ESR1: variants seen among roughly 807,000 people sequenced by gnomAD.
The protein encoded by ESR1 is estrogen receptor.
In ESR1, 12 loss-of-function variants were observed where a neutral mutation model predicts 52.7. The observed-to-expected ratio is 0.23, with a 90% CI of 0.15 to 0.37. The LOEUF (loss-of-function observed/expected upper bound fraction) is 0.37, where lower values mean the gene tolerates loss of function less well. Among genes scored for constraint, ESR1 ranks in the 10% least tolerant of loss-of-function variants. The pLI, the probability that ESR1 is intolerant of heterozygous loss-of-function variation, is 1.00. For missense variants in ESR1, 584 were observed against 779.7 expected, an observed-to-expected ratio of 0.75 and a Z score of 2.99; for synonymous variants, 305 against 316.8, an observed-to-expected ratio of 0.96 and a Z score of 0.39.
chr6:152,000,177 A>AT (rs2041838971), intron 4 of ESR1, among the ~76,000 whole-genome samples: 1 of 152,006 alleles, frequency 6.6e-6, no homozygotes, highest in Admixed American at 6.6e-5. Context: ...TAGTGTTACC[A>AT]TTCTCATTTT....
chr6:152,047,956 ATTTTTTTTTTTT>A (rs71017517), intron 5 of ESR1, among the ~76,000 whole-genome samples: 5 of 67,776 alleles, frequency 7.4e-5, no homozygotes, highest in African/African-American at 1.2e-4. Context: ...CTCCTCAAGC[ATTTTTTTTTTTT>A]TTTTTTTTTT....
chr6:152,031,413 G>C (rs1039892215), intron 5 of ESR1, among the ~76,000 whole-genome samples: 2 of 152,092 alleles, frequency 1.3e-5, no homozygotes, highest in African/African-American at 2.4e-5. Context: ...AAGAAGAAAA[G>C]AGAGAAGAAT....
intron 3 of ESR1, among the ~76,000 whole-genome samples, chr6:151,936,839 A>G (rs2034423793): frequency 6.6e-6 from 1 of 152,210 alleles, no homozygotes; most frequent in Non-Finnish European, 1.5e-5. Flanking sequence ...GTATATGTAT[A>G]AGGTAGCACA....
At chr6:151,939,003 G>T (rs1053720433) in intron 3 of ESR1, among the ~76,000 whole-genome samples, 1 of 152,156 alleles carries the variant, frequency 6.6e-6, no homozygotes, top group Admixed American at 6.5e-5. Flanking sequence ...TTGCTTTGAT[G>T]CAAATATTGT....
intron 3 of ESR1, among the ~76,000 whole-genome samples, chr6:151,884,777 A>T (rs189558606): frequency 6.6e-6 from 1 of 152,270 alleles, no homozygotes; most frequent in Admixed American, 6.5e-5. Flanking sequence ...GTTTCTCTGC[A>T]TTGCTTTTTC....
intron 3 of ESR1, among the ~76,000 whole-genome samples, chr6:151,922,181 T>G (rs2031830721): frequency 6.6e-6 from 1 of 152,138 alleles, no homozygotes; most frequent in Admixed American, 6.5e-5. Flanking sequence ...GATTTGACCT[T>G]CGAGAAACAT....
chr6:151,704,296 G>C (rs1168056570), intron 2 of ESR1, among the ~76,000 whole-genome samples: 2 of 152,152 alleles, frequency 1.3e-5, no homozygotes, highest in African/African-American at 4.8e-5. Context: ...GGAGTGCAGT[G>C]GTGCGATCTT....
At chr6:152,125,614 A>G (rs1052957107) in exon 7 of ESR1, 1 of 378,386 alleles carries the variant, frequency 2.6e-6, no homozygotes, top group South Asian at 6.2e-5. Flanking sequence ...CCAACACTCA[A>G]CACCTGTAGC....
intron 2 of ESR1, among the ~76,000 whole-genome samples, chr6:151,706,141 C>T (rs898215172): frequency 6.6e-6 from 1 of 152,194 alleles, no homozygotes; most frequent in Non-Finnish European, 1.5e-5. Context: ...GACCTAAGAC[C>T]CTGCATGCAC....
chr6:152,100,150 G>T lies in ESR1; in HGVS notation c.*1184G>T. 2 of 398,644 alleles carry T rather than the reference G, an allele frequency of 5.0e-6. No homozygotes were observed. The highest frequency in any genetic ancestry group is 1.3e-4 in the South Asian group (1 of 7,848). 24.7% of individuals were successfully genotyped at this position (398,644 alleles called of 1,614,324 possible). On this transcript the variant is annotated 3_prime_UTR_variant, in exon 8 of 8. Transcript: ENST00000206249. Reference sequence around the variant, plus strand: ...TTGCAGACCCCGCATTGCCCTTTGGGGGTGCCCTGGGATCCCTGGGGTAGT... The same window carrying T: ...TTGCAGACCCCGCATTGCCCTTTGGTGGTGCCCTGGGATCCCTGGGGTAGT...
intron 2 of ESR1, among the ~76,000 whole-genome samples, chr6:151,720,436 T>G (rs2128016961): frequency 6.6e-6 from 1 of 152,328 alleles, no homozygotes; most frequent in East Asian, 1.9e-4. Flanking sequence ...GCAAGTAGTA[T>G]TTTCCAAATG....
At chr6:151,713,249 A>G (rs916823328) in intron 2 of ESR1, among the ~76,000 whole-genome samples, 5 of 152,172 alleles carry the variant, frequency 3.3e-5, no homozygotes, top group African/African-American at 9.7e-5. Context: ...CCAGTATTTT[A>G]TCGAGGATTT....
chr6:151,818,032 G>A (rs961925916), intron 1 of ESR1, among the ~76,000 whole-genome samples: 9 of 152,162 alleles, frequency 5.9e-5, no homozygotes, highest in African/African-American at 1.9e-4. Context: ...AGCTCTCCTC[G>A]TGTCCTCCCT....
intron 2 of ESR1, among the ~76,000 whole-genome samples, chr6:151,877,547 T>C (rs1792067123): frequency 6.6e-6 from 1 of 152,238 alleles, no homozygotes; most frequent in Non-Finnish European, 1.5e-5. Context: ...CGAATTCAAT[T>C]GTAAAAATCT....
At chr6:151,668,274 A>C (rs540860786) in intron 1 of ESR1, among the ~76,000 whole-genome samples, 4 of 141,768 alleles carry the variant, frequency 2.8e-5, no homozygotes, top group East Asian at 4.4e-4. Context: ...AAGAGGAAAA[A>C]CCCTTTTTTT....
Position 151,933,470 on chromosome 6 carries a change from G to A in ESR1, c.761-10703G>A, listed in dbSNP as rs566209163. Among the ~76,000 whole-genome samples, 526 of 149,816 alleles carry A rather than the reference G, an allele frequency of 3.5e-3. 4 individuals carry two copies. The highest frequency in any genetic ancestry group is 0.012 in the African/African-American group (503 of 40,554). ...TTTCCTTCTCCTGCCTAATTGCCCT[G>A]GCCAGAACTTCCAACACTATGTTGA... is the stretch of plus-strand genomic sequence containing the variant. On this transcript the variant is annotated intron_variant, in intron 3 of 7. Coordinates refer to ENST00000206249, the MANE Select transcript of ESR1 (RefSeq NM_000125.4).
chr6:151,914,952 C>G (rs1227392924), intron 3 of ESR1, among the ~76,000 whole-genome samples: 1 of 152,152 alleles, frequency 6.6e-6, no homozygotes, highest in Non-Finnish European at 1.5e-5. Flanking sequence ...CTTTCACTTC[C>G]TATACCAACG....
At chr6:152,057,111 T>G (rs2047167861) in intron 5 of ESR1, among the ~76,000 whole-genome samples, 1 of 152,172 alleles carries the variant, frequency 6.6e-6, no homozygotes, top group Admixed American at 6.6e-5. Flanking sequence ...CAATGCATAA[T>G]GACCTCAGTA....
chr6:151,936,236 G>A (rs886682593), intron 3 of ESR1: 8 of 152,180 alleles, frequency 5.3e-5, no homozygotes, highest in African/African-American at 1.7e-4. Flanking sequence ...GGCAAGACTT[G>A]CTGATTGGAA....
Sources: allele counts gnomAD v4.1 joint callset (sites outside exome capture counted in the v4.1 genomes callset), GRCh38; gene constraint gnomAD v4.1.1; transcripts MANE v1.5; gene names NCBI Gene and HGNC (gene_info 2026-07-23, HGNC 2026-07-21).